The following SPTBN1 variants were observed in gnomAD, a reference collection of about 807,000 sequenced individuals.
SPTBN1 encodes spectrin beta, non-erythrocytic 1.
A neutral mutation model predicts 266.4 loss-of-function variants in SPTBN1; 32 were observed. The observed-to-expected ratio is 0.12, with a 90% CI of 0.09 to 0.16. SPTBN1 has a LOEUF of 0.16. Among genes scored for constraint, SPTBN1 ranks in the 10% least tolerant of loss-of-function variants. The probability of loss-of-function intolerance (pLI) is 1.00; values close to 1 mark genes in which losing one functional copy is unlikely to be tolerated. For synonymous variants in SPTBN1, 1,336 were observed against 1,162.2 expected (o/e 1.15, Z -3.04); for missense variants, 2,296 against 3,067.1 (o/e 0.75, Z 5.94).
chr2:54,564,896 A>G (rs1038278299), intron 2 of SPTBN1, among the ~76,000 whole-genome samples: 16 of 152,180 alleles, frequency 1.1e-4, no homozygotes, highest in African/African-American at 3.9e-4. Context: ...CCTGAAGACC[A>G]AAGTCTGAAT....
chr2:54,638,911 T>C (rs1679342755), intron 18 of SPTBN1, among the ~76,000 whole-genome samples: 1 of 152,236 alleles, frequency 6.6e-6, no homozygotes, highest in East Asian at 1.9e-4. Flanking sequence ...TTAGATCACG[T>C]ATGACAGAAG....
Position 54,583,079 on chromosome 2 carries a change from C to T in SPTBN1, c.149-16013C>T, listed in dbSNP as rs192348366. On this transcript the variant is annotated intron_variant, in intron 2 of 35. Transcript: ENST00000356805. Reference sequence around the variant, plus strand: ...TAGGACCATGCTGGAGCCCTTCCCACTTGCGTAGCTGAAGCACTGGTGGAT... The same window carrying T: ...TAGGACCATGCTGGAGCCCTTCCCATTTGCGTAGCTGAAGCACTGGTGGAT... Among the ~76,000 whole-genome samples the T allele has an allele frequency of 4.7e-3, 708 of 152,152 alleles. 3 individuals carry two copies. The highest frequency in any genetic ancestry group is 0.016 in the African/African-American group (674 of 41,494).
rs1447932240 is a variant in SPTBN1, at chr2:54,631,194, C to T, written c.3147C>T (p.Thr1049=). 3.7e-6 allele frequency: 6 copies of T among 1,614,072 alleles called. No homozygotes were observed. The highest frequency in any genetic ancestry group is 5.1e-6 in the Non-Finnish European group (6 of 1,180,026). The change falls in exon 16 of 36, where the codon ACC becomes ACT. Residue 1049 remains threonine, a synonymous_variant. Coordinates refer to ENST00000356805, the MANE Select transcript of SPTBN1 (RefSeq NM_003128.3). ...GCGACGTGTGGGAGGAGATGAAGAC[C>T]ACCCTGAAAAACCGAGAGGCCTCCC... ...EISDVWEEMK[T]TLKNREASLG...
chr2:54,494,649 G>A (rs762931515), intron 1 of SPTBN1, among the ~76,000 whole-genome samples: 25 of 152,192 alleles, frequency 1.6e-4, no homozygotes, highest in Non-Finnish European at 1.0e-4. Flanking sequence ...AGTTCTAACT[G>A]TATGATTCCA....
chr2:54,616,566 C>T (rs1165442762), intron 5 of SPTBN1, among the ~76,000 whole-genome samples: 2 of 152,150 alleles, frequency 1.3e-5, no homozygotes, highest in African/African-American at 4.8e-5. Context: ...AATTTGAAAA[C>T]CCTGGAAGCA....
intron 35 of SPTBN1, 86 bp from the exon 36 acceptor site, chr2:54,668,265 C>T (rs1681506704): frequency 2.2e-6 from 3 of 1,338,442 alleles, no homozygotes; most frequent in Admixed American, 1.8e-5. Flanking sequence ...CTCAGTTGGC[C>T]AGATGCGCCA....
At chr2:54,668,287 T>C in intron 35 of SPTBN1, 64 bp from the exon 36 acceptor site, 1 of 1,545,532 alleles carries the variant, frequency 6.5e-7, no homozygotes, top group Non-Finnish European at 8.9e-7. Flanking sequence ...TCCCAAGCCT[T>C]GGAGCCAGAA....
chr2:54,660,237 T>A, intron 32 of SPTBN1: 2 of 1,386,336 alleles, frequency 1.4e-6, no homozygotes, highest in South Asian at 3.9e-5. Context: ...TGTTTGAGTC[T>A]CTTAACTGAT....
At chr2:54,604,261 C>T (rs945162818) in intron 3 of SPTBN1, among the ~76,000 whole-genome samples, 2 of 152,146 alleles carry the variant, frequency 1.3e-5, no homozygotes, top group South Asian at 2.1e-4. Context: ...CGCAGCACCC[C>T]AGAGACCTCC....
At chr2:54,461,418 G>C (rs1693363428) in intron 1 of SPTBN1, among the ~76,000 whole-genome samples, 1 of 152,102 alleles carries the variant, frequency 6.6e-6, no homozygotes, top group Admixed American at 6.5e-5. Context: ...TTTTGTACAC[G>C]GCTCTTGGTA....
At chr2:54,661,995 C>T (rs756703280) in intron 32 of SPTBN1, 2 of 985,438 alleles carry the variant, frequency 2.0e-6, no homozygotes, top group Non-Finnish European at 1.2e-6. Context: ...GACGCAGAGA[C>T]TCAGTGAACT....
intron 2 of SPTBN1, among the ~76,000 whole-genome samples, chr2:54,562,724 G>GTGTGTGTGTGTA (rs936242383): frequency 1.3e-5 from 2 of 150,618 alleles, no homozygotes; most frequent in African/African-American, 4.9e-5. Context: ...GTGTGTGTGT[G>GTGTGTGTGTGTA]TGTGTGTGTG....
In SPTBN1 at chr2:54,646,469, G is replaced by A. The variant is rs1679932882; in HGVS notation, c.4860G>A (p.Lys1620=). ...EQELYMMSEE[K]AKDEQSAVSM... ...AGCTGTACATGATGTCAGAGGAGAA[G>A]GCCAAGGTGAGAGGAGGCGGGAAGC... Residue 1620 remains lysine, a synonymous_variant, in exon 23 of 36, where the codon AAG becomes AAA. Transcript: ENST00000356805. This position sits in a 1 kb window ranked among gnomAD's most constrained non-coding sequence, Gnocchi z 4.4. The A allele has an allele frequency of 2.0e-6, 3 of 1,520,682 alleles. No individual in the cohort carries two copies. Among genetic ancestry groups the A allele is most frequent in the Non-Finnish European group, 2.6e-6 (3 of 1,134,894 alleles). The allele number at this position is 1,520,682 out of a possible 1,614,324, so 94.2% of individuals were successfully genotyped here.
At chr2:54,573,521 A>T (rs1008192931) in intron 2 of SPTBN1, among the ~76,000 whole-genome samples, 2 of 152,280 alleles carry the variant, frequency 1.3e-5, no homozygotes, top group African/African-American at 4.8e-5. Context: ...GCCAGGACCA[A>T]TACCGGTCTG....
chr2:54,637,418 G>A (rs1309745915), intron 17 of SPTBN1, among the ~76,000 whole-genome samples: 1 of 152,088 alleles, frequency 6.6e-6, no homozygotes, highest in Non-Finnish European at 1.5e-5. Flanking sequence ...CAAAGCGTGT[G>A]CTCATATTTT....
rs926246369 is a variant in SPTBN1 at position 54,613,898 on chromosome 2, T to A, written c.474+1564T>A. 6.6e-5 allele frequency among the ~76,000 whole-genome samples: 10 copies of A among 152,338 alleles called. 1 individual carries two copies. The highest frequency in any genetic ancestry group is 6.5e-4 in the Admixed American group (10 of 15,304). ...TGTTGTATTTCTGTTAGCTTTGGCC[T>A]GCAATAATCAGAGCGTGGAAGGCCA... is the stretch of plus-strand genomic sequence containing the variant. On this transcript the variant is annotated intron_variant, in intron 4 of 35. Transcript: ENST00000356805.
At chr2:54,487,159 CATT>C (rs1209961375) in intron 1 of SPTBN1, among the ~76,000 whole-genome samples, 1 of 139,110 alleles carries the variant, frequency 7.2e-6, no homozygotes, top group Non-Finnish European at 1.5e-5. Flanking sequence ...CTGATTTCCT[CATT>C]AGGATTTCTT....
At position 54,645,797 on chromosome 2, in the gene SPTBN1, C is replaced by T; in HGVS notation, c.4495-131C>T. ...GAGAACAAGGGCGTGCTTCCCCAGA[C>T]AGCCCTCCCGAGGGGGCTGAGCACT... On this transcript the variant is annotated intron_variant, in intron 21 of 35. Transcript: ENST00000356805. This position sits in a 1 kb window ranked among gnomAD's most constrained non-coding sequence, Gnocchi z 4.3. The T allele has an allele frequency of 1.1e-6, 1 of 937,254 alleles. No individual in the cohort carries two copies. The highest frequency in any genetic ancestry group is 1.6e-5 in the South Asian group (1 of 63,764). The allele number at this position is 937,254 out of a possible 1,614,324, so 58.1% of individuals were successfully genotyped here.
intron 28 of SPTBN1, among the ~76,000 whole-genome samples, 190 bp from the exon 29 acceptor site, chr2:54,655,724 C>T (rs1312508194): frequency 6.6e-6 from 1 of 152,220 alleles, no homozygotes; most frequent in Non-Finnish European, 1.5e-5. Flanking sequence ...TCCTCCAGCC[C>T]CTTCTGGAAG....
Sources: gnomAD v4.1 joint callset for allele counts (sites outside exome capture counted in the v4.1 genomes callset) on GRCh38, gnomAD v4.1.1 for gene constraint, Gnocchi (gnomAD v3.1) non-coding constraint, MANE v1.5 for transcripts, NCBI Gene and HGNC (gene_info 2026-07-23, HGNC 2026-07-21) for gene names.